Variants in AP3B1 observed in about 807,000 individuals in gnomAD.
AP3B1 encodes the protein adaptor related protein complex 3 subunit beta 1, also known as AP-3 complex subunit beta-1.
AP3B1 carries 61 observed loss-of-function variants against 132.5 expected under a neutral mutation model. The ratio of observed to expected loss-of-function variants is 0.46; its 90% CI spans 0.37 to 0.57. AP3B1 has a LOEUF of 0.57. Ranked by LOEUF, AP3B1 falls within the 20% of genes least tolerant of loss-of-function variation. The probability of loss-of-function intolerance (pLI) is 0.00; values close to 1 mark genes in which losing one functional copy is unlikely to be tolerated. For synonymous variants in AP3B1, 388 were observed against 438.3 expected (o/e 0.89, Z 1.43); for missense variants, 1,120 against 1,289.4 (o/e 0.87, Z 2.01).
chr5:78,018,614 A>T (rs1466323455), intron 25 of AP3B1, among the ~76,000 whole-genome samples: 1 of 151,946 alleles, frequency 6.6e-6, no homozygotes, highest in African/African-American at 2.4e-5. Flanking sequence ...ATGAAATAAG[A>T]TATTAATTAT....
chr5:78,093,112 A>C (rs1366107521), intron 21 of AP3B1, among the ~76,000 whole-genome samples: 1 of 152,274 alleles, frequency 6.6e-6, no homozygotes, highest in Admixed American at 6.5e-5. Context: ...GAAAACAGCT[A>C]AATTCCCAAC....
intron 1 of AP3B1, among the ~76,000 whole-genome samples, chr5:78,288,056 T>C (rs964102888): frequency 2.6e-5 from 4 of 152,234 alleles, no homozygotes; most frequent in South Asian, 2.1e-4. Flanking sequence ...TGCCTCTTCA[T>C]GTCATGCTTA....
intron 9 of AP3B1, among the ~76,000 whole-genome samples, chr5:78,176,545 C>T (rs956844351): frequency 1.4e-4 from 22 of 151,994 alleles, no homozygotes; most frequent in Admixed American, 1.4e-3. Flanking sequence ...AACAAGCACT[C>T]AATGAAAAAC....
intron 17 of AP3B1, among the ~76,000 whole-genome samples, chr5:78,118,682 G>A (rs572739553): frequency 1.6e-4 from 25 of 152,216 alleles, no homozygotes; most frequent in Admixed American, 3.3e-4. Flanking sequence ...CAGGAAGCTC[G>A]AACTGGATGG....
At chr5:78,123,437 C>T (rs1241488165) in intron 17 of AP3B1, among the ~76,000 whole-genome samples, 1 of 152,040 alleles carries the variant, frequency 6.6e-6, no homozygotes, top group East Asian at 1.9e-4. Flanking sequence ...AAAATTTTTG[C>T]AACCTACTCA....
At chr5:78,164,146 T>C (rs986062985) in intron 12 of AP3B1, among the ~76,000 whole-genome samples, 4 of 152,142 alleles carry the variant, frequency 2.6e-5, no homozygotes, top group African/African-American at 9.7e-5. Context: ...AATTATTTAA[T>C]TTCCTTAAAG....
intron 2 of AP3B1, among the ~76,000 whole-genome samples, chr5:78,265,207 T>C (rs917696200): frequency 2.0e-5 from 3 of 151,884 alleles, no homozygotes; most frequent in African/African-American, 7.3e-5. Flanking sequence ...AAGGCTGAGG[T>C]GGGAAGATCA....
At chr5:78,252,017 C>A (rs1747659870) in intron 2 of AP3B1, among the ~76,000 whole-genome samples, 2 of 152,076 alleles carry the variant, frequency 1.3e-5, no homozygotes, top group African/African-American at 4.8e-5. Context: ...GGGCACCGGT[C>A]AGAGTCATGA....
At chr5:78,212,946 C>T (rs887584347) in intron 7 of AP3B1, among the ~76,000 whole-genome samples, 2 of 152,004 alleles carry the variant, frequency 1.3e-5, no homozygotes, top group South Asian at 2.1e-4. Flanking sequence ...GGTGCGATCT[C>T]GGCTCACTGC....
chr5:78,209,978 C>G (rs1745666487), intron 7 of AP3B1, among the ~76,000 whole-genome samples: 1 of 152,016 alleles, frequency 6.6e-6, no homozygotes. Context: ...TGCTTCATAA[C>G]CAATGGGAAG....
intron 13 of AP3B1, among the ~76,000 whole-genome samples, chr5:78,159,009 T>C (rs749604242): frequency 1.3e-5 from 2 of 152,168 alleles, no homozygotes; most frequent in Non-Finnish European, 2.9e-5. Flanking sequence ...AGGCAAGTAT[T>C]ACTTCTATAA....
chr5:78,190,270 T>C (rs1355996755), intron 7 of AP3B1, among the ~76,000 whole-genome samples: 1 of 152,184 alleles, frequency 6.6e-6, no homozygotes, highest in Non-Finnish European at 1.5e-5. Flanking sequence ...TTGGTTCTAC[T>C]GCCATGAGAA....
At chr5:78,231,822 T>C (rs1746662884) in intron 3 of AP3B1, among the ~76,000 whole-genome samples, 1 of 152,248 alleles carries the variant, frequency 6.6e-6, no homozygotes, top group Admixed American at 6.5e-5. Flanking sequence ...TTAACTCATT[T>C]TATCCTCACA....
intron 1 of AP3B1, among the ~76,000 whole-genome samples, chr5:78,294,060 C>G (rs1426470378): frequency 6.6e-6 from 1 of 152,136 alleles, no homozygotes; most frequent in Non-Finnish European, 1.5e-5. Context: ...CACCAAAACA[C>G]TCCTTTCACC....
chr5:78,141,011 A>G (rs1753121835), intron 15 of AP3B1, 132 bp downstream of exon 15: 2 of 804,256 alleles, frequency 2.5e-6, no homozygotes, highest in South Asian at 1.4e-5. Context: ...ATCATCTAAC[A>G]TAGAACCTGA....
chr5:78,155,090 G>C (rs1196821609), intron 14 of AP3B1, among the ~76,000 whole-genome samples: 2 of 152,160 alleles, frequency 1.3e-5, no homozygotes, highest in Non-Finnish European at 2.9e-5. Flanking sequence ...TGTGCTTATT[G>C]TATTTGGGAA....
intron 2 of AP3B1, among the ~76,000 whole-genome samples, chr5:78,244,566 A>C (rs989601598): frequency 2.0e-5 from 3 of 152,212 alleles, no homozygotes; most frequent in Non-Finnish European, 1.5e-5. Flanking sequence ...AGCCAGCTGA[A>C]TATATGGGAA....
chr5:78,116,145 A>G lies in AP3B1; in HGVS notation c.2058T>C (p.Ser686=). Reference sequence around the variant, plus strand: ...ACCCACCACTGTCACTGCTACTATCAGAAGAGTCCTCCTCTTCCTCAGATT... The same window carrying G: ...ACCCACCACTGTCACTGCTACTATCGGAAGAGTCCTCCTCTTCCTCAGATT... The part of the protein sequence containing the change: ...YSESEEEEDS[S]DSSSDSESES... The change falls in exon 18 of 27, where the codon TCT becomes TCC. Residue 686 remains serine (S), a synonymous_variant. Coordinates refer to ENST00000255194, the MANE Select transcript of AP3B1 (RefSeq NM_003664.5). The G allele has an allele frequency of 6.2e-7, 1 of 1,611,194 alleles. No individual in the cohort carries two copies. Among genetic ancestry groups the G allele is most frequent in the Non-Finnish European group, 8.5e-7 (1 of 1,177,398 alleles).
chr5:78,099,651 C>T (rs1002087195), intron 21 of AP3B1, among the ~76,000 whole-genome samples: 10 of 152,134 alleles, frequency 6.6e-5, no homozygotes, highest in South Asian at 4.2e-4. Flanking sequence ...AATCCCAGCA[C>T]GTTGGGAAGC....
Sources: allele counts gnomAD v4.1 joint callset (sites outside exome capture counted in the v4.1 genomes callset), GRCh38; gene constraint gnomAD v4.1.1; transcripts MANE v1.5; gene names NCBI Gene and HGNC (gene_info 2026-07-23, HGNC 2026-07-21).